KCNT1: variants seen among roughly 807,000 people sequenced by gnomAD.
KCNT1 encodes potassium channel subfamily T member 1.
A neutral mutation model predicts 147.8 loss-of-function variants in KCNT1; 78 were observed. The observed-to-expected ratio is 0.53, with a 90% CI of 0.44 to 0.64. The LOEUF (loss-of-function observed/expected upper bound fraction) is 0.64. Ranked by LOEUF, KCNT1 falls within the 30% of genes least tolerant of loss-of-function variation. The pLI, the probability that KCNT1 is intolerant of heterozygous loss-of-function variation, is 0.00. For synonymous variants in KCNT1, 867 were observed against 748.8 expected (o/e 1.16, Z -2.58); for missense variants, 1,419 against 1,750.3 (o/e 0.81, Z 3.38).
At chr9:135,764,964 G>A (rs570323788) in intron 11 of KCNT1, 67 bp from the exon 12 acceptor site, 90 of 1,527,854 alleles carry the variant, frequency 5.9e-5, no homozygotes, top group Non-Finnish European at 7.5e-5. Context: ...TCAGGGCCCA[G>A]GTTCTTCACC....
At chr9:135,765,916 C>CGA (rs1464893500) in intron 13 of KCNT1, among the ~76,000 whole-genome samples, 156 bp downstream of exon 13, 51 of 152,210 alleles carry the variant, frequency 3.4e-4, no homozygotes, top group African/African-American at 1.2e-3. Flanking sequence ...GTGGACTGTC[C>CGA]AGGGTGGATC....
At chr9:135,785,764 A>C (rs1833996782) in intron 28 of KCNT1, 1 of 427,670 alleles carries the variant, frequency 2.3e-6, no homozygotes, top group Non-Finnish European at 4.3e-6. Flanking sequence ...GGGGCCTCCA[A>C]AGGGTGTGTT....
chr9:135,742,688 C>T (rs1830626805), intron 2 of KCNT1: 1 of 714,598 alleles, frequency 1.4e-6, no homozygotes, highest in African/African-American at 1.7e-5. Flanking sequence ...CTGCCTTCTC[C>T]ATCCGTCCGT....
At chr9:135,777,627 T>C (rs1833263266) in intron 21 of KCNT1, 117 bp downstream of exon 21, 1 of 923,026 alleles carries the variant, frequency 1.1e-6, no homozygotes, top group Non-Finnish European at 1.6e-6. Context: ...ACATGGGGCC[T>C]CTGGCCTGGT....
rs1346233148 is a variant in KCNT1 at position 135,750,983 on chromosome 9, A to T, written c.376A>T (p.Thr126Ser). 2 of 1,613,202 alleles carry T rather than the reference A, an allele frequency of 1.2e-6. No homozygotes were observed. The highest frequency in any genetic ancestry group is 2.2e-5 in the South Asian group (2 of 91,084). The change falls in exon 4 of 31, where the codon ACC (threonine) becomes TCC (serine). Residue 126 changes from threonine to serine, a missense_variant. Physicochemically the swap from Thr to Ser is moderately conservative, Grantham distance 58. Around this residue, in one of 5 missense-constraint regions of KCNT1, gnomAD observed 401 missense variants for 610.6 expected, o/e 0.66. Transcript: ENST00000371757. Reference sequence around the variant, plus strand: ...GTTCAACTTCTCCCTGAAGCTGCTCACCTGCCTGCTCTACATTGTGCGCGT... The same window carrying T: ...GTTCAACTTCTCCCTGAAGCTGCTCTCCTGCCTGCTCTACATTGTGCGCGT... ...RLFNFSLKLL[T>S]CLLYIVRVLL...
At chr9:135,761,039 T>A (rs913244960) in intron 11 of KCNT1, among the ~76,000 whole-genome samples, 5 of 151,948 alleles carry the variant, frequency 3.3e-5, no homozygotes, top group East Asian at 1.9e-4. Context: ...TTTTTTTTTT[T>A]AAATTAGAGA....
chr9:135,787,280 G>A (rs889916422), intron 29 of KCNT1, among the ~76,000 whole-genome samples: 112 of 152,284 alleles, frequency 7.4e-4, no homozygotes, highest in African/African-American at 2.6e-3. Flanking sequence ...TGGGCTTCGG[G>A]GCCCTACATG....
intron 19 of KCNT1, among the ~76,000 whole-genome samples, chr9:135,774,116 C>T (rs751593950): frequency 2.0e-5 from 3 of 147,602 alleles, no homozygotes; most frequent in Admixed American, 1.3e-4. Flanking sequence ...GTGTTTGTCA[C>T]GTGTGGTGTG....
chr9:135,791,765 G>C lies in KCNT1; in HGVS notation c.3503-32G>C, dbSNP rs377341028. 12 of 1,596,508 alleles carry C rather than the reference G, an allele frequency of 7.5e-6. No individual in the cohort carries two copies. The Admixed American group carries it at 8.3e-5, about 11-fold the overall frequency. On this transcript the variant is annotated intron_variant, in intron 29 of 30. Coordinates refer to ENST00000371757, the MANE Select transcript of KCNT1 (RefSeq NM_020822.3). ...AGAGCTGGGAGGGGCAGGGCTGGGG[G>C]GGTGACGTCTGCCCGGCTGTGTCCT...
Position 135,706,447 on chromosome 9 carries a change from G to A in KCNT1, c.110+4079G>A, listed in dbSNP as rs566388684. Among the ~76,000 whole-genome samples, 243 of 152,346 alleles carry A rather than the reference G, an allele frequency of 1.6e-3. 1 individual carries two copies. The highest frequency in any genetic ancestry group is 5.6e-3 in the African/African-American group (232 of 41,588). On this transcript the variant is annotated intron_variant, in intron 1 of 30. Transcript: ENST00000371757. Reference sequence around the variant, plus strand: ...AATGGCTCCTCCTCACAACAGTGCCGGGGTGTGGTGTGTGCCAGCTGCCAC... The same window carrying A: ...AATGGCTCCTCCTCACAACAGTGCCAGGGTGTGGTGTGTGCCAGCTGCCAC...
chr9:135,756,509 G>A (rs372220882), intron 6 of KCNT1, among the ~76,000 whole-genome samples: 6 of 152,248 alleles, frequency 3.9e-5, no homozygotes, highest in African/African-American at 1.2e-4. Flanking sequence ...GAGGGGTTCC[G>A]TGGGGGAAAA....
intron 15 of KCNT1, 41 bp downstream of exon 15, chr9:135,768,978 A>G (rs1210209116): frequency 4.0e-6 from 6 of 1,492,202 alleles, no homozygotes; most frequent in Non-Finnish European, 5.5e-6. Flanking sequence ...TATCTGGGGC[A>G]GGGCACGTGT....
At chr9:135,756,513 G>A (rs1831489178) in intron 6 of KCNT1, among the ~76,000 whole-genome samples, 1 of 152,128 alleles carries the variant, frequency 6.6e-6, no homozygotes, top group Admixed American at 6.5e-5. Flanking sequence ...GGTTCCGTGG[G>A]GGAAAACCAG....
At chr9:135,782,211 A>T (rs190420857) in intron 24 of KCNT1, among the ~76,000 whole-genome samples, 22 of 152,260 alleles carry the variant, frequency 1.4e-4, no homozygotes, top group Admixed American at 5.2e-4. Context: ...CTCAAAAAAA[A>T]CCAAGCAAAA....
chr9:135,759,082 T>C (rs1831719130), intron 10 of KCNT1, among the ~76,000 whole-genome samples: 1 of 152,190 alleles, frequency 6.6e-6, no homozygotes, highest in Non-Finnish European at 1.5e-5. Flanking sequence ...CCTTCCCCCC[T>C]GCCCCTCATG....
intron 2 of KCNT1, chr9:135,742,953 G>T (rs868751934): frequency 3.1e-6 from 2 of 644,044 alleles, no homozygotes; most frequent in East Asian, 2.7e-5. Context: ...CCCAGTACCC[G>T]CTGGTGCCTC....
At chr9:135,766,721 T>G (rs1832315908) in intron 13 of KCNT1, 1 of 152,608 alleles carries the variant, frequency 6.6e-6, no homozygotes, top group Non-Finnish European at 1.5e-5. Context: ...AGCAGGACCC[T>G]GCAGCCAGGC....
At chr9:135,760,535 G>C (rs899965271) in intron 11 of KCNT1, among the ~76,000 whole-genome samples, 1 of 152,194 alleles carries the variant, frequency 6.6e-6, no homozygotes, top group Non-Finnish European at 1.5e-5. Context: ...GAGGTGGCCA[G>C]GGCCTTCTGG....
At chr9:135,770,142 G>A in intron 16 of KCNT1, 87 bp downstream of exon 16, 1 of 1,403,518 alleles carries the variant, frequency 7.1e-7, no homozygotes, top group Non-Finnish European at 9.7e-7. Flanking sequence ...GGCGGGGATG[G>A]GCTTCCCAGA....
Sources: allele counts gnomAD v4.1 joint callset (sites outside exome capture counted in the v4.1 genomes callset), GRCh38; gene constraint gnomAD v4.1.1; regional missense constraint gnomAD v4.1.1; transcripts MANE v1.5; gene names NCBI Gene and HGNC (gene_info 2026-07-23, HGNC 2026-07-21).